The following JARID2 variants were observed in gnomAD, a reference collection of about 807,000 sequenced individuals.
JARID2 encodes the protein jumonji and AT-rich interaction domain containing 2.
Under a neutral mutation model 125.6 loss-of-function variants are expected in JARID2, and 21 were observed. The ratio of observed to expected loss-of-function variants is 0.17; its 90% CI spans 0.12 to 0.24. The LOEUF is 0.24. Among genes scored for constraint, JARID2 ranks in the 10% least tolerant of loss-of-function variants. The pLI is 1.00. For missense variants in JARID2, 1,303 were observed against 1,639.6 expected, an observed-to-expected ratio of 0.79 and a Z score of 3.55; for synonymous variants, 736 against 661.6, an observed-to-expected ratio of 1.11 and a Z score of -1.73.
At chr6:15,497,837 G>A (rs1383109823) in intron 7 of JARID2, among the ~76,000 whole-genome samples, 2 of 152,032 alleles carry the variant, frequency 1.3e-5, no homozygotes, top group African/African-American at 4.8e-5. Flanking sequence ...GAAGCCCAAG[G>A]TCTAGGGGCC....
At chr6:15,356,110 A>G (rs1479824573) in intron 1 of JARID2, among the ~76,000 whole-genome samples, 3 of 152,112 alleles carry the variant, frequency 2.0e-5, no homozygotes, top group Non-Finnish European at 2.9e-5. Context: ...TTCCCTAGCT[A>G]TGTTTTCAAG....
intron 1 of JARID2, among the ~76,000 whole-genome samples, chr6:15,363,785 G>A (rs1763880619): frequency 6.6e-6 from 1 of 152,176 alleles, no homozygotes. Flanking sequence ...TTTTTGGAGG[G>A]AAAATGTGCA....
intron 1 of JARID2, among the ~76,000 whole-genome samples, chr6:15,250,565 A>G (rs1001589689): frequency 1.3e-5 from 2 of 152,226 alleles, no homozygotes; most frequent in Admixed American, 1.3e-4. Context: ...GGAAGACACA[A>G]TGAAGTCCAA....
chr6:15,349,361 T>C (rs1227873383), intron 1 of JARID2, among the ~76,000 whole-genome samples: 1 of 152,240 alleles, frequency 6.6e-6, no homozygotes, highest in Non-Finnish European at 1.5e-5. Context: ...CAACATTGTG[T>C]GCCCTAATTA....
At chr6:15,399,491 C>CTGTG (rs149254141) in intron 2 of JARID2, among the ~76,000 whole-genome samples, 14 of 150,872 alleles carry the variant, frequency 9.3e-5, no homozygotes, top group East Asian at 3.9e-4. Flanking sequence ...TTCGTGATGT[C>CTGTG]TGTGTGTGTG....
At chr6:15,390,577 CTG>C (rs1001821382) in intron 2 of JARID2, among the ~76,000 whole-genome samples, 3 of 152,194 alleles carry the variant, frequency 2.0e-5, no homozygotes, top group East Asian at 3.9e-4. Flanking sequence ...GTGAGAAACT[CTG>C]TGCAAGGGAT....
chr6:15,390,163 CAT>C (rs1031333280), intron 2 of JARID2, among the ~76,000 whole-genome samples: 3 of 152,112 alleles, frequency 2.0e-5, no homozygotes, highest in African/African-American at 7.2e-5. Flanking sequence ...GATTTATTCT[CAT>C]ATTTGTTGTC....
At chr6:15,291,502 G>A (rs1207636480) in intron 1 of JARID2, among the ~76,000 whole-genome samples, 2 of 152,200 alleles carry the variant, frequency 1.3e-5, no homozygotes, top group Admixed American at 6.5e-5. Context: ...GCTTGAAGGA[G>A]CGCTTAAATG....
At chr6:15,415,420 C>T (rs1306606919) in intron 3 of JARID2, among the ~76,000 whole-genome samples, 15 of 151,352 alleles carry the variant, frequency 9.9e-5, no homozygotes, top group Non-Finnish European at 1.8e-4. Context: ...ACCTCCCAGA[C>T]GGGGCGGCTG....
chr6:15,338,374 C>T (rs777221472), intron 1 of JARID2, among the ~76,000 whole-genome samples: 3 of 152,310 alleles, frequency 2.0e-5, no homozygotes, highest in Non-Finnish European at 4.4e-5. Flanking sequence ...AGGAAAAATG[C>T]GTCGTAGCCC....
At chr6:15,348,702 C>T (rs1763329343) in intron 1 of JARID2, among the ~76,000 whole-genome samples, 1 of 152,106 alleles carries the variant, frequency 6.6e-6, no homozygotes, top group South Asian at 2.1e-4. Flanking sequence ...TCGCTGAAAC[C>T]ATACAGGTAA....
At chr6:15,394,898 C>CTA (rs1765160003) in intron 2 of JARID2, among the ~76,000 whole-genome samples, 1 of 151,222 alleles carries the variant, frequency 6.6e-6, no homozygotes, top group Non-Finnish European at 1.5e-5. Flanking sequence ...CATTGCTAAT[C>CTA]GGTCTATTGC....
intron 1 of JARID2, among the ~76,000 whole-genome samples, chr6:15,319,878 G>A (rs956357098): frequency 6.6e-6 from 1 of 152,140 alleles, no homozygotes; most frequent in Admixed American, 6.5e-5. Flanking sequence ...AGTCATCAAG[G>A]CTTCTTGCTT....
intron 7 of JARID2, among the ~76,000 whole-genome samples, chr6:15,499,448 G>A (rs1032910709): frequency 5.3e-5 from 8 of 152,278 alleles, no homozygotes; most frequent in Admixed American, 2.0e-4. Flanking sequence ...GTGCTCTTGC[G>A]TTATAATCTA....
chr6:15,376,565 T>TA (rs777694508), intron 2 of JARID2, among the ~76,000 whole-genome samples: 7 of 152,026 alleles, frequency 4.6e-5, no homozygotes, highest in Non-Finnish European at 8.8e-5. Flanking sequence ...ATAATAGTAA[T>TA]AATAATAAAT....
At chr6:15,289,086 A>AACC (rs1249537498) in intron 1 of JARID2, among the ~76,000 whole-genome samples, 1 of 152,164 alleles carries the variant, frequency 6.6e-6, no homozygotes, top group Non-Finnish European at 1.5e-5. Context: ...GGGTTGGTGA[A>AACC]ACCCCGTTAA....
rs1771313738 is a variant in JARID2, at chr6:15,512,203, C to T, written c.2953-5C>T. The T allele has an allele frequency of 1.2e-6, 2 of 1,612,876 alleles. No individual in the cohort carries two copies. The highest frequency in any genetic ancestry group is 4.5e-5 in the East Asian group (2 of 44,832). On this transcript the variant is annotated splice_region_variant and splice_polypyrimidine_tract_variant and intron_variant, in intron 13 of 17. Coordinates refer to ENST00000341776, the MANE Select transcript of JARID2 (RefSeq NM_004973.4). ...GGGTGCCTCAGCCTGGCCCTGTCTCCCCAGATCTCCCCGGAGGTGCTGTGC... is the reference window on the plus strand; with the variant it reads ...GGGTGCCTCAGCCTGGCCCTGTCTCTCCAGATCTCCCCGGAGGTGCTGTGC...
chr6:15,287,500 T>C (rs1761048656), intron 1 of JARID2, among the ~76,000 whole-genome samples: 1 of 152,242 alleles, frequency 6.6e-6, no homozygotes, highest in Non-Finnish European at 1.5e-5. Context: ...TTTGCAATTT[T>C]TTGTGTTGAT....
chr6:15,504,365 C>T, intron 8 of JARID2, 135 bp from the exon 9 acceptor site: 1 of 659,694 alleles, frequency 1.5e-6, no homozygotes, highest in Non-Finnish European at 2.7e-6. Flanking sequence ...CTCTGCCTGT[C>T]ATTAACTCAG....
Sources: gnomAD v4.1 joint callset for allele counts (sites outside exome capture counted in the v4.1 genomes callset) on GRCh38, gnomAD v4.1.1 for gene constraint, MANE v1.5 for transcripts, NCBI Gene and HGNC (gene_info 2026-07-23, HGNC 2026-07-21) for gene names.